Variants in FHIT observed in about 807,000 individuals in gnomAD.
FHIT encodes bis(5'-adenosyl)-triphosphatase.
Under a neutral mutation model 17.9 loss-of-function variants are expected in FHIT, and 19 were observed. The observed-to-expected ratio is 1.06, with a 90% CI of 0.74 to 1.56. FHIT has a LOEUF of 1.56. Among genes scored for constraint, FHIT ranks in the 40% most tolerant of loss-of-function variants. The pLI, the probability that FHIT is intolerant of heterozygous loss-of-function variation, is 0.00. For synonymous variants in FHIT, 81 were observed against 69.7 expected (o/e 1.16, Z -0.81); for missense variants, 248 against 189.2 (o/e 1.31, Z -1.82).
intron 5 of FHIT, among the ~76,000 whole-genome samples, chr3:60,323,115 T>C (rs1709507663): frequency 6.6e-6 from 1 of 152,074 alleles, no homozygotes; most frequent in Non-Finnish European, 1.5e-5. Context: ...GCAAAATATA[T>C]AAAATGTCTT....
chr3:60,572,929 C>A (rs1264864737), intron 4 of FHIT, among the ~76,000 whole-genome samples: 4 of 152,186 alleles, frequency 2.6e-5, no homozygotes, highest in African/African-American at 9.7e-5. Context: ...GCTCAACATA[C>A]AGCATTTCGT....
chr3:60,364,210 T>A (rs1204155702), intron 5 of FHIT, among the ~76,000 whole-genome samples: 4 of 152,250 alleles, frequency 2.6e-5, no homozygotes, highest in Non-Finnish European at 5.9e-5. Context: ...TGTTCTCCAG[T>A]CATTCCATGC....
chr3:60,345,072 G>C (rs112406066), intron 5 of FHIT, among the ~76,000 whole-genome samples: 458 of 152,192 alleles, frequency 3.0e-3, no homozygotes, highest in African/African-American at 0.01. Context: ...TTTAAGATTA[G>C]GAACATCCTA....
intron 2 of FHIT, among the ~76,000 whole-genome samples, chr3:61,139,289 A>G (rs2037006782): frequency 6.6e-6 from 1 of 152,136 alleles, no homozygotes; most frequent in South Asian, 2.1e-4. Flanking sequence ...TCGGCCTCCT[A>G]AAGATCAAAC....
intron 4 of FHIT, among the ~76,000 whole-genome samples, chr3:60,703,072 A>C (rs147621147): frequency 2.9e-4 from 44 of 152,314 alleles, no homozygotes; most frequent in African/African-American, 1.0e-3. Flanking sequence ...AGAGGTCATA[A>C]GGGATTAGAG....
chr3:59,832,934 AC>A (rs1288720950), intron 8 of FHIT, among the ~76,000 whole-genome samples: 3 of 152,186 alleles, frequency 2.0e-5, no homozygotes, highest in Non-Finnish European at 4.4e-5. Context: ...GTGCCTGAAG[AC>A]TTAATGCTAC....
intron 3 of FHIT, among the ~76,000 whole-genome samples, chr3:60,901,832 G>A (rs991346546): frequency 3.3e-5 from 5 of 152,216 alleles, no homozygotes; most frequent in African/African-American, 9.6e-5. Context: ...GTGTGGTGGT[G>A]AAAAATACAC....
chr3:60,536,072 G>C (rs2035970180), intron 5 of FHIT: 1 of 152,140 alleles, frequency 6.6e-6, no homozygotes, highest in Non-Finnish European at 1.5e-5. Context: ...GGAGGAAAGA[G>C]AAAAACATCC....
chr3:61,127,154 T>C (rs1174444266), intron 2 of FHIT, among the ~76,000 whole-genome samples: 2 of 152,138 alleles, frequency 1.3e-5, no homozygotes, highest in South Asian at 2.1e-4. Flanking sequence ...ACTTCGGTAC[T>C]GAGAATCAAC....
At chr3:59,905,391 G>A (rs181763250) in intron 8 of FHIT, among the ~76,000 whole-genome samples, 6 of 152,236 alleles carry the variant, frequency 3.9e-5, no homozygotes, top group Admixed American at 6.5e-5. Flanking sequence ...GTCAGAATAG[G>A]GGAACATTTT....
chr3:60,259,795 G>T lies in FHIT; in HGVS notation c.104-245643C>A, dbSNP rs373781201. Among the ~76,000 whole-genome samples, 11 of 152,032 alleles carry T rather than the reference G, an allele frequency of 7.2e-5. No homozygotes were observed. The East Asian group carries it at 1.2e-3, about 16-fold the overall frequency. ...CTGTTACCATGGGTTTTCTAGAAAG[G>T]GTATCCAATATAAATTGGAATCCAG... On this transcript the variant is annotated intron_variant, in intron 5 of 9. Coordinates refer to ENST00000492590, the MANE Select transcript of FHIT (RefSeq NM_002012.4).
chr3:60,270,816 A>G (rs1706822357), intron 5 of FHIT, among the ~76,000 whole-genome samples: 1 of 152,188 alleles, frequency 6.6e-6, no homozygotes, highest in Non-Finnish European at 1.5e-5. Context: ...AACCATGGGG[A>G]GGAACACCGG....
At chr3:60,131,799 C>T (rs1699607649) in intron 5 of FHIT, among the ~76,000 whole-genome samples, 1 of 152,102 alleles carries the variant, frequency 6.6e-6, no homozygotes, top group Non-Finnish European at 1.5e-5. Flanking sequence ...CTCCTCAGTC[C>T]ATTCTCCACA....
intron 3 of FHIT, among the ~76,000 whole-genome samples, chr3:60,951,150 T>C (rs1347648089): frequency 2.0e-5 from 3 of 152,174 alleles, no homozygotes; most frequent in Non-Finnish European, 4.4e-5. Context: ...TACCATAGTA[T>C]GTACTGTTTT....
intron 3 of FHIT, among the ~76,000 whole-genome samples, chr3:60,855,012 T>C (rs900039422): frequency 3.9e-5 from 6 of 152,154 alleles, no homozygotes; most frequent in Non-Finnish European, 5.9e-5. Context: ...GCCAGGGAAC[T>C]AGGGAGTCAG....
intron 4 of FHIT, among the ~76,000 whole-genome samples, chr3:60,612,555 A>G (rs1046843405): frequency 2.6e-5 from 4 of 152,230 alleles, no homozygotes; most frequent in African/African-American, 9.7e-5. Flanking sequence ...GGGAAAAGGT[A>G]TATCTATTGC....
At chr3:61,217,315 A>T (rs147976154) in intron 1 of FHIT, among the ~76,000 whole-genome samples, 187 of 152,228 alleles carry the variant, frequency 1.2e-3, no homozygotes, top group African/African-American at 4.3e-3. Context: ...CTGATATCTC[A>T]TGCCCTCAAA....
intron 5 of FHIT, among the ~76,000 whole-genome samples, chr3:60,056,678 G>C (rs1702096755): frequency 6.6e-6 from 1 of 152,208 alleles, no homozygotes; most frequent in Admixed American, 6.5e-5. Flanking sequence ...TACCAGGAAA[G>C]CAGAAGCATT....
intron 8 of FHIT, among the ~76,000 whole-genome samples, chr3:59,807,539 G>C (rs1477346779): frequency 6.6e-6 from 1 of 152,208 alleles, no homozygotes; most frequent in African/African-American, 2.4e-5. Context: ...GTTACACAGA[G>C]AGTTAAAGTC....
Sources: allele counts gnomAD v4.1 joint callset (sites outside exome capture counted in the v4.1 genomes callset), GRCh38; gene constraint gnomAD v4.1.1; transcripts MANE v1.5; gene names NCBI Gene and HGNC (gene_info 2026-07-23, HGNC 2026-07-21).